The following WWOX variants were observed in gnomAD, a reference collection of about 807,000 sequenced individuals.
WWOX encodes WW domain-containing oxidoreductase.
A neutral mutation model predicts 46.2 loss-of-function variants in WWOX; 69 were observed. The ratio of observed to expected loss-of-function variants is 1.49; its 90% CI spans 1.23 to 1.82. The LOEUF (loss-of-function observed/expected upper bound fraction) is 1.82, where lower values mean the gene tolerates loss of function less well. Ranked by LOEUF, WWOX falls within the 40% of genes most tolerant of loss-of-function variation. The pLI, the probability that WWOX is intolerant of heterozygous loss-of-function variation, is 0.00. For missense variants in WWOX, 919 were observed against 542.6 expected, an observed-to-expected ratio of 1.69 and a Z score of -6.89; for synonymous variants, 359 against 202.6, an observed-to-expected ratio of 1.77 and a Z score of -6.56.
intron 4 of WWOX, among the ~76,000 whole-genome samples, chr16:78,160,712 A>C (rs2034766198): frequency 6.6e-6 from 1 of 152,182 alleles, no homozygotes; most frequent in African/African-American, 2.4e-5. Flanking sequence ...TGCCCCTGCA[A>C]ATCATCAGTT....
chr16:78,959,893 C>A lies in WWOX; in HGVS notation c.1057-251715C>A, dbSNP rs138406763. On this transcript the variant is annotated intron_variant, in intron 8 of 8. Coordinates refer to ENST00000566780, the MANE Select transcript of WWOX (RefSeq NM_016373.4). ...AGTCTGATTTAATTGGATAAGGATA[C>A]AGCCTGGGCATCAAGAGTTTCTAGA... Among the ~76,000 whole-genome samples the A allele has an allele frequency of 5.3e-5, 8 of 152,176 alleles. No individual in the cohort carries two copies. The East Asian group carries it at 1.2e-3, about 22-fold the overall frequency.
chr16:78,798,353 G>T (rs1327510100), intron 8 of WWOX, among the ~76,000 whole-genome samples: 2 of 152,114 alleles, frequency 1.3e-5, no homozygotes, highest in Non-Finnish European at 2.9e-5. Flanking sequence ...CTAGCTAGAG[G>T]TCAGATGTCA....
At chr16:79,037,162 C>G (rs1041706532) in intron 8 of WWOX, among the ~76,000 whole-genome samples, 1 of 152,184 alleles carries the variant, frequency 6.6e-6, no homozygotes, top group Admixed American at 6.5e-5. Context: ...GCTGCCTTGA[C>G]TGCCAGCACC....
chr16:78,559,361 G>T (rs1171918835), intron 8 of WWOX, among the ~76,000 whole-genome samples: 2 of 152,172 alleles, frequency 1.3e-5, no homozygotes, highest in East Asian at 3.9e-4. Flanking sequence ...AGATCATGGA[G>T]GCCAGAGCCA....
intron 5 of WWOX, among the ~76,000 whole-genome samples, chr16:78,308,634 C>T (rs566453655): frequency 6.6e-6 from 1 of 152,312 alleles, no homozygotes; most frequent in East Asian, 1.9e-4. Flanking sequence ...GAACATCCTT[C>T]CCTTTCCAGG....
chr16:78,683,268 T>G (rs1033280827), intron 8 of WWOX, among the ~76,000 whole-genome samples: 1 of 151,870 alleles, frequency 6.6e-6, no homozygotes, highest in African/African-American at 2.4e-5. Flanking sequence ...CTTAGCACTT[T>G]GGGAGGCTGA....
chr16:78,746,771 A>G (rs1182507384), intron 8 of WWOX, among the ~76,000 whole-genome samples: 8 of 152,092 alleles, frequency 5.3e-5, no homozygotes, highest in Non-Finnish European at 1.2e-4. Context: ...CCCTGGAGCC[A>G]TTTTCAGCAA....
At chr16:78,188,599 G>A (rs2035784688) in intron 5 of WWOX, among the ~76,000 whole-genome samples, 1 of 151,894 alleles carries the variant, frequency 6.6e-6, no homozygotes, top group Non-Finnish European at 1.5e-5. Flanking sequence ...CAGAATAGTA[G>A]GACCATCATT....
At chr16:78,441,836 A>G (rs1364813313) in intron 8 of WWOX, among the ~76,000 whole-genome samples, 8 of 152,188 alleles carry the variant, frequency 5.3e-5, no homozygotes, top group Non-Finnish European at 7.4e-5. Context: ...GAAATTAAAG[A>G]TTATGAATGT....
chr16:79,195,916 G>T (rs1284355854), intron 8 of WWOX, among the ~76,000 whole-genome samples: 2 of 152,178 alleles, frequency 1.3e-5, no homozygotes, highest in Non-Finnish European at 2.9e-5. Context: ...TGGAGATGCT[G>T]TTCCTCTCAA....
At chr16:78,596,487 G>T (rs538502413) in intron 8 of WWOX, among the ~76,000 whole-genome samples, 9 of 150,878 alleles carry the variant, frequency 6.0e-5, no homozygotes, top group East Asian at 1.9e-4. Context: ...CGTATCAGGG[G>T]TGCTAAGGTG....
At chr16:78,469,095 C>G (rs996935574) in intron 8 of WWOX, among the ~76,000 whole-genome samples, 2 of 152,170 alleles carry the variant, frequency 1.3e-5, no homozygotes, top group East Asian at 3.9e-4. Flanking sequence ...TTCAAATACT[C>G]AAATGCCATT....
chr16:79,131,845 C>G (rs1047187214), intron 8 of WWOX, among the ~76,000 whole-genome samples: 3 of 152,142 alleles, frequency 2.0e-5, no homozygotes, highest in Admixed American at 2.0e-4. Context: ...GGAAGCCTTA[C>G]AATCATGGTG....
chr16:78,287,230 T>C (rs1373159607), intron 5 of WWOX, among the ~76,000 whole-genome samples: 1 of 152,232 alleles, frequency 6.6e-6, no homozygotes, highest in African/African-American at 2.4e-5. Context: ...CATAACTTTT[T>C]TGTTGTTGTT....
At chr16:78,370,130 C>CAAA (rs749015478) in intron 5 of WWOX, among the ~76,000 whole-genome samples, 30,181 of 75,640 alleles carry the variant, frequency 0.4, 6,452 homozygotes, top group Non-Finnish European at 0.5. Flanking sequence ...AGACTGTCTC[C>CAAA]AAAAAAAAAA....
At chr16:78,980,270 A>G (rs2046655182) in intron 8 of WWOX, among the ~76,000 whole-genome samples, 1 of 152,172 alleles carries the variant, frequency 6.6e-6, no homozygotes, top group Non-Finnish European at 1.5e-5. Flanking sequence ...GCTCCATTTG[A>G]CAGATGGAAA....
At chr16:78,628,169 G>T (rs1367939253) in intron 8 of WWOX, among the ~76,000 whole-genome samples, 1 of 151,440 alleles carries the variant, frequency 6.6e-6, no homozygotes, top group Non-Finnish European at 1.5e-5. Flanking sequence ...GCAAAAGCTG[G>T]ATGCTTGGAA....
At chr16:79,024,703 G>T (rs1239770699) in intron 8 of WWOX, among the ~76,000 whole-genome samples, 1 of 152,068 alleles carries the variant, frequency 6.6e-6, no homozygotes, top group Non-Finnish European at 1.5e-5. Flanking sequence ...CCAAAGTGCT[G>T]GGATTACAGG....
At chr16:78,853,872 T>A (rs563856043) in intron 8 of WWOX, among the ~76,000 whole-genome samples, 46 of 152,136 alleles carry the variant, frequency 3.0e-4, no homozygotes, top group African/African-American at 1.1e-3. Context: ...ATGCTGACTG[T>A]CTGTCTGTCA....
Sources: gnomAD v4.1 joint callset for allele counts (sites outside exome capture counted in the v4.1 genomes callset) on GRCh38, gnomAD v4.1.1 for gene constraint, MANE v1.5 for transcripts, NCBI Gene and HGNC (gene_info 2026-07-23, HGNC 2026-07-21) for gene names.